Variants in CAMK4 observed in about 807,000 individuals in gnomAD.
The protein encoded by CAMK4 is calcium/calmodulin dependent protein kinase IV.
CAMK4 carries 22 observed loss-of-function variants against 44.9 expected under a neutral mutation model. That is an observed-to-expected ratio of 0.49 (90% CI 0.35 to 0.70). The LOEUF (loss-of-function observed/expected upper bound fraction) is 0.70, where lower values mean the gene tolerates loss of function less well. CAMK4 is among the 30% of genes least tolerant of loss of function. The probability of loss-of-function intolerance (pLI) is 0.01; values close to 1 mark genes in which losing one functional copy is unlikely to be tolerated. For synonymous variants in CAMK4, 218 were observed against 215.4 expected, an observed-to-expected ratio of 1.01 and a Z score of -0.11; for missense variants, 498 against 586.8, an observed-to-expected ratio of 0.85 and a Z score of 1.56.
chr5:111,239,864 A>G (rs193213314), intron 1 of CAMK4, among the ~76,000 whole-genome samples: 1 of 152,340 alleles, frequency 6.6e-6, no homozygotes, highest in Admixed American at 6.5e-5. Flanking sequence ...GGCCTTAGTA[A>G]TTCTCTGCTA....
intron 1 of CAMK4, among the ~76,000 whole-genome samples, chr5:111,285,555 G>C (rs183303549): frequency 2.3e-4 from 35 of 152,308 alleles, no homozygotes; most frequent in Admixed American, 1.9e-3. Flanking sequence ...TGTAAGCATG[G>C]CTGCAATGGA....
intron 1 of CAMK4, among the ~76,000 whole-genome samples, chr5:111,284,856 GATTT>G (rs993720908): frequency 4.0e-5 from 6 of 151,880 alleles, no homozygotes; most frequent in African/African-American, 9.7e-5. Context: ...TTTTGTTCCT[GATTT>G]ATTTATCTTT....
At chr5:111,427,911 A>G (rs4957949) in intron 5 of CAMK4, among the ~76,000 whole-genome samples, 93,392 of 152,140 alleles carry the variant, frequency 0.61, 28,812 homozygotes, top group Middle Eastern at 0.72. Context: ...GCCAGAGTGT[A>G]GTTATAGCAG....
At chr5:111,430,866 G>T (rs1580743319) in intron 5 of CAMK4, among the ~76,000 whole-genome samples, 1 of 151,932 alleles carries the variant, frequency 6.6e-6, no homozygotes. Context: ...TTATTAAAAT[G>T]CCCTTACTAC....
At chr5:111,236,303 T>G (rs1378862795) in intron 1 of CAMK4, among the ~76,000 whole-genome samples, 2 of 152,268 alleles carry the variant, frequency 1.3e-5, no homozygotes, top group African/African-American at 2.4e-5. Context: ...GCCAGCCTCC[T>G]TCCCCACCAC....
chr5:111,377,356 A>G (rs771651505), intron 4 of CAMK4, among the ~76,000 whole-genome samples: 4 of 152,164 alleles, frequency 2.6e-5, no homozygotes, highest in African/African-American at 4.8e-5. Flanking sequence ...ATAAAACTCA[A>G]TAATCTTCAA....
At chr5:111,319,296 G>T (rs1053221805) in intron 1 of CAMK4, among the ~76,000 whole-genome samples, 1 of 152,192 alleles carries the variant, frequency 6.6e-6, no homozygotes, top group African/African-American at 2.4e-5. Context: ...TTCCACAAGA[G>T]ACTGTGTGTC....
chr5:111,464,402 G>A (rs1371191464), intron 7 of CAMK4, among the ~76,000 whole-genome samples: 13 of 152,086 alleles, frequency 8.5e-5, no homozygotes, highest in African/African-American at 2.7e-4. Flanking sequence ...TAAAAATGTG[G>A]AAAACATATT....
chr5:111,374,020 C>T (rs1355221359), intron 2 of CAMK4, among the ~76,000 whole-genome samples: 1 of 152,048 alleles, frequency 6.6e-6, no homozygotes, highest in Admixed American at 6.6e-5. Context: ...AACAAAGAGA[C>T]CAAGTGGTGA....
rs550397184 is a variant in CAMK4, at chr5:111,433,203, C to T, written c.460-13483C>T. ...ATATATTCTTTGGGTCAGGACTGCT[C>T]CATAACATCTAGAGTCTAAGCCAAC... On this transcript the variant is annotated intron_variant, in intron 5 of 10. Transcript: ENST00000282356. Among the ~76,000 whole-genome samples the T allele has an allele frequency of 3.8e-4, 58 of 152,264 alleles. No homozygotes were observed. In the South Asian group the frequency reaches 9.1e-3, roughly 24 times the overall value.
At chr5:111,343,397 CTT>C (rs934506870) in intron 1 of CAMK4, among the ~76,000 whole-genome samples, 2 of 151,670 alleles carry the variant, frequency 1.3e-5, no homozygotes, top group African/African-American at 2.4e-5. Context: ...CTCTTTTACT[CTT>C]TTGCTTCTCA....
chr5:111,300,235 C>T (rs1315532684), intron 1 of CAMK4, among the ~76,000 whole-genome samples: 1 of 152,166 alleles, frequency 6.6e-6, no homozygotes, highest in Non-Finnish European at 1.5e-5. Context: ...TGAAACGAGA[C>T]AGAATTATTA....
chr5:111,234,163 ACTT>A (rs762668955), intron 1 of CAMK4, among the ~76,000 whole-genome samples: 3 of 152,300 alleles, frequency 2.0e-5, no homozygotes, highest in East Asian at 3.9e-4. Context: ...TACTGAATAA[ACTT>A]CTTTATATTT....
intron 1 of CAMK4, among the ~76,000 whole-genome samples, chr5:111,252,792 G>A (rs1749565116): frequency 6.6e-6 from 1 of 152,166 alleles, no homozygotes; most frequent in Non-Finnish European, 1.5e-5. Flanking sequence ...CAAAATAAGG[G>A]CTAGATAAGG....
At chr5:111,355,308 A>G (rs1440947152) in intron 2 of CAMK4, among the ~76,000 whole-genome samples, 1 of 152,094 alleles carries the variant, frequency 6.6e-6, no homozygotes, top group East Asian at 1.9e-4. Context: ...TGACAAGAAT[A>G]TGTATATAAG....
intron 1 of CAMK4, among the ~76,000 whole-genome samples, chr5:111,228,131 T>C (rs1748287086): frequency 6.6e-6 from 1 of 152,194 alleles, no homozygotes; most frequent in South Asian, 2.1e-4. Flanking sequence ...TTTCTCACTG[T>C]TGTTCCATGT....
chr5:111,352,961 C>T (rs902361752), intron 2 of CAMK4, among the ~76,000 whole-genome samples: 1 of 151,962 alleles, frequency 6.6e-6, no homozygotes, highest in African/African-American at 2.4e-5. Flanking sequence ...CCCTCACATT[C>T]TATGGATGGG....
intron 5 of CAMK4, among the ~76,000 whole-genome samples, chr5:111,444,825 G>A (rs1753969987): frequency 6.6e-6 from 1 of 152,164 alleles, no homozygotes; most frequent in African/African-American, 2.4e-5. Context: ...GTTATGAACA[G>A]GAAATTCATG....
intron 2 of CAMK4, among the ~76,000 whole-genome samples, chr5:111,358,484 TTA>T (rs1750462346): frequency 6.6e-6 from 1 of 152,002 alleles, no homozygotes; most frequent in Non-Finnish European, 1.5e-5. Flanking sequence ...AGATGGATAG[TTA>T]TATCTAAAAG....
Sources: gnomAD v4.1 joint callset for allele counts (sites outside exome capture counted in the v4.1 genomes callset) on GRCh38, gnomAD v4.1.1 for gene constraint, MANE v1.5 for transcripts, NCBI Gene and HGNC (gene_info 2026-07-23, HGNC 2026-07-21) for gene names.